The following EPHA6 variants were observed in gnomAD, a reference collection of about 807,000 sequenced individuals.
EPHA6 encodes ephrin type-A receptor 6.
EPHA6 carries 50 observed loss-of-function variants against 112.0 expected under a neutral mutation model. That is an observed-to-expected ratio of 0.45 (90% CI 0.36 to 0.56). EPHA6 has a LOEUF of 0.56. Ranked by LOEUF, EPHA6 falls within the 20% of genes least tolerant of loss-of-function variation. The pLI, the probability that EPHA6 is intolerant of heterozygous loss-of-function variation, is 0.00. For missense variants in EPHA6, 1,280 were observed against 1,417.4 expected, an observed-to-expected ratio of 0.90 and a Z score of 1.56; for synonymous variants, 529 against 490.7, an observed-to-expected ratio of 1.08 and a Z score of -1.03.
chr3:97,089,016 G>C (rs2046987757), intron 3 of EPHA6, among the ~76,000 whole-genome samples: 1 of 152,128 alleles, frequency 6.6e-6, no homozygotes, highest in South Asian at 2.1e-4. Context: ...TAGGGCCGGA[G>C]CAGAGTTCTT....
At chr3:97,132,281 C>T (rs1267082512) in intron 3 of EPHA6, among the ~76,000 whole-genome samples, 1 of 152,028 alleles carries the variant, frequency 6.6e-6, no homozygotes, top group African/African-American at 2.4e-5. Context: ...GTCTTGTAGA[C>T]ACATACCGTA....
intron 6 of EPHA6, among the ~76,000 whole-genome samples, chr3:97,424,899 T>C (rs1703530811): frequency 6.7e-6 from 1 of 150,002 alleles, no homozygotes; most frequent in Non-Finnish European, 1.5e-5. Flanking sequence ...ATGGGAGAAA[T>C]TGGACAAAAT....
In EPHA6 at chr3:97,352,621, G is replaced by A. The variant is rs111525617; in HGVS notation, c.1607-52529G>A. ...TAGATCAGCCCTAGCTAGAGGGGAG[G>A]TGTCCATCCCAGCAGTCAGAACCTG... is the stretch of plus-strand genomic sequence containing the variant. On this transcript the variant is annotated intron_variant, in intron 5 of 17. Transcript: ENST00000389672. Among the ~76,000 whole-genome samples, 524 of 152,282 alleles carry A rather than the reference G, an allele frequency of 3.4e-3. 3 individuals are homozygous for A. Among genetic ancestry groups the A allele is most frequent in the African/African-American group, 0.012 (494 of 41,562 alleles).
chr3:97,030,092 C>T (rs1243750588), intron 3 of EPHA6, among the ~76,000 whole-genome samples: 1 of 152,064 alleles, frequency 6.6e-6, no homozygotes, highest in Non-Finnish European at 1.5e-5. Context: ...GAATCTTAGT[C>T]CAGATATTCA....
At chr3:97,145,945 G>A (rs1157383992) in intron 3 of EPHA6, among the ~76,000 whole-genome samples, 2 of 151,342 alleles carry the variant, frequency 1.3e-5, no homozygotes, top group African/African-American at 4.8e-5. Flanking sequence ...TTTTCATAGA[G>A]TATTCTTAAT....
intron 5 of EPHA6, among the ~76,000 whole-genome samples, chr3:97,318,536 A>G (rs2081951981): frequency 6.6e-6 from 1 of 151,994 alleles, no homozygotes; most frequent in African/African-American, 2.4e-5. Context: ...CTTCTTGTTA[A>G]GGTCTCCTAT....
chr3:97,212,720 G>T (rs958886634), intron 3 of EPHA6, among the ~76,000 whole-genome samples: 1 of 152,042 alleles, frequency 6.6e-6, no homozygotes, highest in African/African-American at 2.4e-5. Context: ...CTATGAATGA[G>T]AAAAGATGAT....
chr3:97,550,685 G>C (rs2093017752), intron 11 of EPHA6, among the ~76,000 whole-genome samples: 1 of 152,148 alleles, frequency 6.6e-6, no homozygotes, highest in Non-Finnish European at 1.5e-5. Flanking sequence ...ATGGTACCAG[G>C]AAGAATACAT....
intron 1 of EPHA6, among the ~76,000 whole-genome samples, chr3:96,833,465 C>G (rs1479998387): frequency 1.5e-4 from 23 of 151,802 alleles, no homozygotes; most frequent in Admixed American, 1.5e-3. Context: ...TCTGTGTCAC[C>G]CAGTTTGTGG....
intron 7 of EPHA6, among the ~76,000 whole-genome samples, chr3:97,469,491 CAACT>C (rs1265020572): frequency 6.6e-6 from 1 of 151,696 alleles, no homozygotes; most frequent in African/African-American, 2.4e-5. Context: ...TTCTATCGTT[CAACT>C]AAATCACATA....
chr3:96,908,174 G>C (rs975766416), intron 2 of EPHA6, among the ~76,000 whole-genome samples: 1 of 151,974 alleles, frequency 6.6e-6, no homozygotes, highest in South Asian at 2.1e-4. Context: ...TGGTATACCT[G>C]CACAGGGAAG....
chr3:97,404,446 A>T (rs2087203101), intron 5 of EPHA6, among the ~76,000 whole-genome samples: 1 of 152,154 alleles, frequency 6.6e-6, no homozygotes, highest in Non-Finnish European at 1.5e-5. Context: ...TAGAAATTAG[A>T]ATACTTAAAA....
At chr3:96,858,374 G>C (rs978954484) in intron 1 of EPHA6, among the ~76,000 whole-genome samples, 2 of 152,054 alleles carry the variant, frequency 1.3e-5, no homozygotes, top group African/African-American at 4.8e-5. Flanking sequence ...CAAGCATACA[G>C]TATTAAAGCA....
chr3:97,329,750 T>C (rs553770517), intron 5 of EPHA6, among the ~76,000 whole-genome samples: 1 of 152,318 alleles, frequency 6.6e-6, no homozygotes, highest in Admixed American at 6.5e-5. Flanking sequence ...GCAAAAATTT[T>C]CTCCCATTCT....
intron 10 of EPHA6, among the ~76,000 whole-genome samples, chr3:97,515,958 C>A (rs1678390559): frequency 6.6e-6 from 1 of 151,108 alleles, no homozygotes; most frequent in African/African-American, 2.4e-5. Context: ...AAAAAAAACA[C>A]CTCATTCTCA....
chr3:97,133,899 A>C (rs2075702788), intron 3 of EPHA6, among the ~76,000 whole-genome samples: 1 of 152,010 alleles, frequency 6.6e-6, no homozygotes, highest in South Asian at 2.1e-4. Context: ...AACATAATTC[A>C]AGCTGTTGAT....
chr3:96,817,698 T>G (rs1470249252), intron 1 of EPHA6, among the ~76,000 whole-genome samples: 1 of 151,980 alleles, frequency 6.6e-6, no homozygotes, highest in Non-Finnish European at 1.5e-5. Flanking sequence ...TATATCTGTT[T>G]TACCAAATTA....
intron 2 of EPHA6, among the ~76,000 whole-genome samples, chr3:96,961,014 C>T (rs2107750816): frequency 6.6e-6 from 1 of 152,280 alleles, no homozygotes; most frequent in Non-Finnish European, 1.5e-5. Flanking sequence ...AATCCCTTCC[C>T]TTACAATGAA....
intron 1 of EPHA6, among the ~76,000 whole-genome samples, chr3:96,848,552 G>A (rs1484118673): frequency 6.6e-6 from 1 of 151,982 alleles, no homozygotes; most frequent in Non-Finnish European, 1.5e-5. Context: ...TTGAACCCAG[G>A]AGATGGAGGT....
Sources: allele counts gnomAD v4.1 joint callset (sites outside exome capture counted in the v4.1 genomes callset), GRCh38; gene constraint gnomAD v4.1.1; transcripts MANE v1.5; gene names NCBI Gene and HGNC (gene_info 2026-07-23, HGNC 2026-07-21).